Variants in REV3L observed in about 807,000 individuals in gnomAD.
REV3L encodes REV3 like, DNA directed polymerase zeta catalytic subunit, also known as DNA polymerase zeta catalytic subunit.
Under a neutral mutation model 299.4 loss-of-function variants are expected in REV3L, and 69 were observed. The observed-to-expected ratio is 0.23, with a 90% CI of 0.19 to 0.28. The LOEUF is 0.28. Among genes scored for constraint, REV3L ranks in the 10% least tolerant of loss-of-function variants. REV3L has a pLI of 1.00. For missense variants in REV3L, 3,128 were observed against 3,693.8 expected (o/e 0.85, Z 3.97); for synonymous variants, 1,238 against 1,271.4 (o/e 0.97, Z 0.56).
At chr6:111,449,625 C>T (rs558898068) in intron 1 of REV3L, among the ~76,000 whole-genome samples, 1 of 152,244 alleles carries the variant, frequency 6.6e-6, no homozygotes, top group African/African-American at 2.4e-5. Flanking sequence ...AGATTATTGA[C>T]TCAGTAGATG....
chr6:111,353,958 G>C (rs368716460), intron 18 of REV3L: 6 of 152,162 alleles, frequency 3.9e-5, no homozygotes, highest in Non-Finnish European at 5.9e-5. Flanking sequence ...GTGGCTCTAA[G>C]GATCATCAGG....
At chr6:111,406,390 G>C (rs1007303615) in intron 3 of REV3L, among the ~76,000 whole-genome samples, 1 of 152,180 alleles carries the variant, frequency 6.6e-6, no homozygotes, top group African/African-American at 2.4e-5. Context: ...TGAAGAGCCT[G>C]TTAAGACATT....
In REV3L at chr6:111,422,615, C is replaced by A. The variant is rs9487635; in HGVS notation, c.140-6143G>T. ...ATATACACATATATATATATATACACATATATATATATATACACATATATA... is the reference window on the plus strand; with the variant it reads ...ATATACACATATATATATATATACAAATATATATATATATACACATATATA... On this transcript the variant is annotated intron_variant, in intron 1 of 31. Transcript: ENST00000368802. 5.1e-4 allele frequency among the ~76,000 whole-genome samples: 7 copies of A among 13,642 alleles called. 1 individual carries two copies. The highest frequency in any genetic ancestry group is 8.2e-4 in the Non-Finnish European group (4 of 4,892). 8.9% of individuals were successfully genotyped at this position (13,642 alleles called of 152,430 possible).
intron 4 of REV3L, among the ~76,000 whole-genome samples, chr6:111,401,671 C>G (rs1482703955): frequency 6.6e-6 from 1 of 152,150 alleles, no homozygotes; most frequent in African/African-American, 2.4e-5. Context: ...GTTGTCACCA[C>G]AAAACATTCT....
intron 1 of REV3L, among the ~76,000 whole-genome samples, chr6:111,460,916 C>T (rs944190724): frequency 5.9e-5 from 9 of 151,990 alleles, no homozygotes; most frequent in East Asian, 1.9e-4. Flanking sequence ...CATTGTAGTA[C>T]GATGAGTTAC....
chr6:111,411,772 ACTTT>A (rs1211858905), intron 2 of REV3L, among the ~76,000 whole-genome samples: 1 of 152,146 alleles, frequency 6.6e-6, no homozygotes, highest in East Asian at 1.9e-4. Context: ...AAAAAATATC[ACTTT>A]CTTTAATTAC....
chr6:111,423,333 A>G (rs1785787181), intron 1 of REV3L, among the ~76,000 whole-genome samples: 1 of 152,224 alleles, frequency 6.6e-6, no homozygotes, highest in South Asian at 2.1e-4. Flanking sequence ...GTGACATTTG[A>G]GCTGATATCT....
intron 26 of REV3L, among the ~76,000 whole-genome samples, chr6:111,321,686 A>G (rs915013554): frequency 2.6e-5 from 4 of 152,190 alleles, no homozygotes; most frequent in African/African-American, 9.7e-5. Context: ...GAACATTTTA[A>G]AGAACTGGAT....
intron 1 of REV3L, among the ~76,000 whole-genome samples, chr6:111,422,339 AGTTG>A (rs1399175620): frequency 1.1e-4 from 17 of 152,100 alleles, no homozygotes; most frequent in Admixed American, 5.2e-4. Flanking sequence ...AGAGTTGAGC[AGTTG>A]CAATAGACAC....
chr6:111,475,141 CT>C (rs59046457), intron 1 of REV3L, among the ~76,000 whole-genome samples: 76,644 of 151,928 alleles, frequency 0.5, 20,893 homozygotes, highest in African/African-American at 0.72. Context: ...ATGCCTCTTG[CT>C]TTTTTTCCTC....
At chr6:111,461,605 A>C (rs191540927) in intron 1 of REV3L, among the ~76,000 whole-genome samples, 1 of 152,140 alleles carries the variant, frequency 6.6e-6, no homozygotes, top group East Asian at 1.9e-4. Flanking sequence ...CATATATATA[A>C]AAGTAAAGTG....
intron 1 of REV3L, among the ~76,000 whole-genome samples, chr6:111,448,298 T>C (rs1233928803): frequency 6.6e-6 from 1 of 152,222 alleles, no homozygotes; most frequent in Non-Finnish European, 1.5e-5. Flanking sequence ...TTCTCTATAC[T>C]GTAATAATAA....
Position 111,380,153 on chromosome 6 carries a change from C to A in REV3L, c.1283G>T (p.Gly428Val), listed in dbSNP as rs554888953. Residue 428 changes from glycine (G) to valine (V), a missense_variant, in exon 11 of 32, where the codon GGG (glycine) becomes GTG (valine). By Grantham distance (109) the Gly-to-Val change is moderately radical (BLOSUM62 -3). Around this residue, in one of 9 missense-constraint regions of REV3L, gnomAD observed 2,409 missense variants for 2,611.8 expected, o/e 0.92. Transcript: ENST00000368802. ...LAGLESDGYR[G>V]ERNRMPSPCR... Reference sequence around the variant, plus strand: ...TGGTGATGGCATCCTATTTCTTTCCCCCCGATATCCATCACTTTCCAAACC... The same window carrying A: ...TGGTGATGGCATCCTATTTCTTTCCACCCGATATCCATCACTTTCCAAACC... 9.3e-6 allele frequency: 15 copies of A among 1,613,946 alleles called. No individual in the cohort carries two copies. The South Asian group carries it at 1.2e-4, about 13-fold the overall frequency.
At chr6:111,417,024 ACAAAACCAAAT>A (rs1484725586) in intron 1 of REV3L, among the ~76,000 whole-genome samples, 1 of 151,722 alleles carries the variant, frequency 6.6e-6, no homozygotes, top group Non-Finnish European at 1.5e-5. Context: ...AAAAAAAAAG[ACAAAACCAAAT>A]CAAAACAAAA....
intron 6 of REV3L, 83 bp from the exon 7 acceptor site, chr6:111,389,293 G>T: frequency 1.0e-6 from 1 of 990,512 alleles, no homozygotes; most frequent in African/African-American, 1.6e-5. Flanking sequence ...AACAAATACT[G>T]CCTTTAAAAA....
intron 1 of REV3L, among the ~76,000 whole-genome samples, chr6:111,434,487 C>A (rs1306635859): frequency 6.6e-6 from 1 of 151,826 alleles, no homozygotes; most frequent in Non-Finnish European, 1.5e-5. Flanking sequence ...GGCATGCTGG[C>A]GGGCGCCTGT....
intron 1 of REV3L, among the ~76,000 whole-genome samples, chr6:111,423,580 G>A (rs1254446700): frequency 6.6e-6 from 1 of 152,122 alleles, no homozygotes; most frequent in Non-Finnish European, 1.5e-5. Flanking sequence ...TTGTGTGTGT[G>A]CGCACATGCA....
intron 1 of REV3L, among the ~76,000 whole-genome samples, chr6:111,446,052 G>C (rs538366566): frequency 6.6e-6 from 1 of 152,274 alleles, no homozygotes; most frequent in South Asian, 2.1e-4. Flanking sequence ...TTCAGCTGTG[G>C]GGATTCAAAT....
At chr6:111,397,912 C>T (rs751028923) in intron 4 of REV3L, among the ~76,000 whole-genome samples, 14 of 151,926 alleles carry the variant, frequency 9.2e-5, no homozygotes, top group African/African-American at 1.7e-4. Context: ...GTCAGGCTTA[C>T]GGTGCCCGGC....
Sources: allele counts gnomAD v4.1 joint callset (sites outside exome capture counted in the v4.1 genomes callset), GRCh38; gene constraint gnomAD v4.1.1; regional missense constraint gnomAD v4.1.1; transcripts MANE v1.5; gene names NCBI Gene and HGNC (gene_info 2026-07-23, HGNC 2026-07-21).